Variants in LY6S observed in about 807,000 individuals in gnomAD.
LY6S encodes lymphocyte antigen 6 family member S.
At chr8:143,069,301 T>C in the LY6S span, among the ~76,000 whole-genome samples, 1 of 152,184 alleles carries the variant, frequency 6.6e-6, no homozygotes, top group South Asian at 2.1e-4. Flanking sequence ...TTGTTTCCTT[T>C]CTCTTGGGTT....
chr8:143,052,173 T>C, the LY6S span, among the ~76,000 whole-genome samples: 11 of 141,790 alleles, frequency 7.8e-5, no homozygotes, highest in East Asian at 1.3e-3. Flanking sequence ...CCCAGCTACT[T>C]GGGAGGCTGA....
At chr8:143,070,848 T>C in the LY6S span, among the ~76,000 whole-genome samples, 13 of 152,254 alleles carry the variant, frequency 8.5e-5, no homozygotes, top group African/African-American at 3.1e-4. Flanking sequence ...TACCCTATTA[T>C]TTTATACAGG....
the LY6S span, among the ~76,000 whole-genome samples, chr8:143,065,060 G>A: frequency 6.6e-6 from 1 of 152,196 alleles, no homozygotes; most frequent in Non-Finnish European, 1.5e-5. Flanking sequence ...AGGTGGAGCA[G>A]GGATTACAGG....
At chr8:143,056,202 G>A in the LY6S span, among the ~76,000 whole-genome samples, 1 of 144,392 alleles carries the variant, frequency 6.9e-6, no homozygotes, top group African/African-American at 2.6e-5. Flanking sequence ...CATACATTTG[G>A]ATCGAAAAGA....
At chr8:143,052,078 G>C in the LY6S span, among the ~76,000 whole-genome samples, 1 of 151,620 alleles carries the variant, frequency 6.6e-6, no homozygotes, top group Non-Finnish European at 1.5e-5. Context: ...TCAGGAGATG[G>C]AGACCATCCT....
At chr8:143,076,316 C>A in the LY6S span, among the ~76,000 whole-genome samples, 1 of 152,216 alleles carries the variant, frequency 6.6e-6, no homozygotes, top group East Asian at 1.9e-4. Flanking sequence ...ATTCTCTCAG[C>A]ACCCCCACAC....
chr8:143,054,494 A>T, the LY6S span, among the ~76,000 whole-genome samples: 1 of 152,166 alleles, frequency 6.6e-6, no homozygotes, highest in African/African-American at 2.4e-5. Context: ...ACCGCCTCTT[A>T]TAGAACCTCC....
chr8:143,045,196 C>T, the LY6S span, among the ~76,000 whole-genome samples: 1 of 152,200 alleles, frequency 6.6e-6, no homozygotes, highest in East Asian at 1.9e-4. This position sits in a 1 kb window ranked among gnomAD's most constrained non-coding sequence, Gnocchi z 5.3. Flanking sequence ...CTTCCGAGCA[C>T]ACCCACCTGC....
At chr8:143,041,223 C>A in the LY6S span, among the ~76,000 whole-genome samples, 1 of 152,324 alleles carries the variant, frequency 6.6e-6, no homozygotes, top group Middle Eastern at 3.4e-3. Flanking sequence ...GGGCTTATTT[C>A]ATCCCTTATC....
the LY6S span, among the ~76,000 whole-genome samples, chr8:143,073,526 C>A: frequency 6.8e-6 from 1 of 147,184 alleles, no homozygotes; most frequent in Non-Finnish European, 1.5e-5. Context: ...AGAAGACAGC[C>A]ATCGTCCTCG....
At chr8:143,065,487 C>T in the LY6S span, among the ~76,000 whole-genome samples, 24 of 152,236 alleles carry the variant, frequency 1.6e-4, no homozygotes, top group African/African-American at 4.3e-4. Context: ...TATGAAATTT[C>T]GAAGATCCAA....
chr8:143,061,510 T>C, the LY6S span, among the ~76,000 whole-genome samples: 1 of 151,734 alleles, frequency 6.6e-6, no homozygotes, highest in African/African-American at 2.4e-5. Flanking sequence ...GTTTGGTTGG[T>C]TGGTTGGTTG....
chr8:143,042,813 CTA>C, the LY6S span: 1,056 of 375,938 alleles, frequency 2.8e-3, 3 homozygotes, highest in Non-Finnish European at 3.9e-3. Flanking sequence ...CACGGTTTCT[CTA>C]TGACCCTAGG....
the LY6S span, among the ~76,000 whole-genome samples, chr8:143,051,977 A>G: frequency 6.7e-6 from 1 of 148,252 alleles, no homozygotes; most frequent in Non-Finnish European, 1.5e-5. Context: ...GTCTCAAAAA[A>G]AAAAAAGAAA....
the LY6S span, chr8:143,044,799 A>G: frequency 7.3e-7 from 1 of 1,366,906 alleles, no homozygotes; most frequent in Non-Finnish European, 9.8e-7. Flanking sequence ...GCAGACCCTG[A>G]GCTGGGAGAG....
chr8:143,049,346 G>C, the LY6S span: 2 of 520,656 alleles, frequency 3.8e-6, no homozygotes, highest in South Asian at 2.8e-5. Context: ...TTTGTCCTGG[G>C]TACAAGTTAG....
the LY6S span, chr8:143,049,311 G>A: frequency 1.3e-5 from 7 of 534,026 alleles, no homozygotes; most frequent in East Asian, 5.4e-5. Flanking sequence ...GAGCTAAAAC[G>A]GAAAAGACAT....
At chr8:143,070,085 C>CT in the LY6S span, among the ~76,000 whole-genome samples, 6 of 151,956 alleles carry the variant, frequency 3.9e-5, no homozygotes, top group Non-Finnish European at 8.8e-5. Flanking sequence ...CTGGCTCCCC[C>CT]TGGGGCACCT....
At chr8:143,068,195 G>A in the LY6S span, among the ~76,000 whole-genome samples, 44 of 152,322 alleles carry the variant, frequency 2.9e-4, no homozygotes, top group African/African-American at 9.6e-4. Flanking sequence ...AATAGAGAAT[G>A]GAGAATGGCG....
Sources: allele counts gnomAD v4.1 joint callset (sites outside exome capture counted in the v4.1 genomes callset), GRCh38; gene constraint gnomAD v4.1.1; non-coding constraint Gnocchi (gnomAD v3.1); transcripts MANE v1.5; gene names NCBI Gene and HGNC (gene_info 2026-07-23, HGNC 2026-07-21).